The following SPOCK1 variants were observed in gnomAD, a reference collection of about 807,000 sequenced individuals.
SPOCK1 encodes testican-1.
SPOCK1 carries 23 observed loss-of-function variants against 55.3 expected under a neutral mutation model. That is an observed-to-expected ratio of 0.42 (90% CI 0.30 to 0.59). SPOCK1 has a LOEUF of 0.59. SPOCK1 is among the 20% of genes least tolerant of loss of function. SPOCK1 has a pLI of 0.22. For missense variants in SPOCK1, 499 were observed against 552.5 expected (o/e 0.90, Z 0.97); for synonymous variants, 226 against 221.0 (o/e 1.02, Z -0.20).
At chr5:137,431,055 G>A (rs1183042443) in intron 2 of SPOCK1, among the ~76,000 whole-genome samples, 1 of 152,202 alleles carries the variant, frequency 6.6e-6, no homozygotes, top group African/African-American at 2.4e-5. Context: ...GTTTGGGGCT[G>A]TAACAGCCAC....
intron 3 of SPOCK1, among the ~76,000 whole-genome samples, chr5:137,262,838 C>T (rs1208351803): frequency 6.6e-6 from 1 of 152,202 alleles, no homozygotes; most frequent in Non-Finnish European, 1.5e-5. Context: ...GGAAGAAAGA[C>T]ACCAGGAGAG....
At chr5:137,084,407 A>G (rs1262998316) in intron 5 of SPOCK1, among the ~76,000 whole-genome samples, 3 of 151,996 alleles carry the variant, frequency 2.0e-5, no homozygotes, top group Non-Finnish European at 4.4e-5. Flanking sequence ...GGGCCATGGC[A>G]TGGATAACGT....
chr5:137,204,992 T>G (rs1755493930), intron 3 of SPOCK1, among the ~76,000 whole-genome samples: 1 of 152,196 alleles, frequency 6.6e-6, no homozygotes, highest in Non-Finnish European at 1.5e-5. Flanking sequence ...GCTAAAAGAT[T>G]TTCTCCTAAG....
At chr5:137,455,135 C>T (rs760628869) in intron 2 of SPOCK1, among the ~76,000 whole-genome samples, 1 of 152,180 alleles carries the variant, frequency 6.6e-6, no homozygotes, top group Admixed American at 6.5e-5. Flanking sequence ...GAGGCTGTAA[C>T]AAGACTTTGT....
intron 3 of SPOCK1, among the ~76,000 whole-genome samples, chr5:137,248,639 C>G (rs373575180): frequency 7.8e-4 from 119 of 152,306 alleles, no homozygotes; most frequent in African/African-American, 2.6e-3. Context: ...GACCCTGGGC[C>G]TCTCTGAACC....
intron 2 of SPOCK1, among the ~76,000 whole-genome samples, chr5:137,360,142 G>A (rs1160373219): frequency 1.3e-5 from 2 of 152,212 alleles, no homozygotes; most frequent in African/African-American, 4.8e-5. Context: ...GATCCAACAT[G>A]CAATCAGTTT....
chr5:137,270,030 A>G lies in SPOCK1; in HGVS notation c.187-2975T>C, dbSNP rs566111993. The stretch of plus-strand genomic sequence containing the variant: ...TGCTGTCAATAATTCTATCACTTCT[A>G]CCCTGGGAAGTAGTGTGTCTGCCCC... On this transcript the variant is annotated intron_variant, in intron 2 of 10. Transcript: ENST00000394945. Among the ~76,000 whole-genome samples the G allele has an allele frequency of 5.8e-4, 88 of 152,292 alleles. 1 individual carries two copies. Among genetic ancestry groups the G allele is most frequent in the East Asian group, 3.9e-4 (2 of 5,184 alleles).
intron 2 of SPOCK1, among the ~76,000 whole-genome samples, chr5:137,418,486 T>A (rs1273453840): frequency 1.3e-5 from 2 of 152,088 alleles, no homozygotes; most frequent in African/African-American, 2.4e-5. Context: ...GACTTTTTAA[T>A]GATCGCCATT....
intron 2 of SPOCK1, among the ~76,000 whole-genome samples, chr5:137,269,263 A>G (rs1039905456): frequency 6.6e-6 from 1 of 152,034 alleles, no homozygotes; most frequent in Non-Finnish European, 1.5e-5. Context: ...CCTTCAAACA[A>G]CCCCTTGCCC....
At chr5:137,395,136 C>A (rs1751814831) in intron 2 of SPOCK1, among the ~76,000 whole-genome samples, 1 of 152,290 alleles carries the variant, frequency 6.6e-6, no homozygotes, top group African/African-American at 2.4e-5. Flanking sequence ...GACATGGTCC[C>A]AGAACACTGC....
chr5:137,498,594 G>T (rs992324948), intron 1 of SPOCK1, 36 bp from the exon 2 acceptor site: 8 of 1,290,790 alleles, frequency 6.2e-6, no homozygotes, highest in Non-Finnish European at 7.8e-6. Flanking sequence ...TGAGCGAAGA[G>T]GGCGGGCGGC....
chr5:137,122,166 A>G lies in SPOCK1; in HGVS notation c.348-9605T>C, dbSNP rs112833382. Among the ~76,000 whole-genome samples the G allele has an allele frequency of 4.3e-3, 659 of 151,892 alleles. 7 individuals carry two copies. The highest frequency in any genetic ancestry group is 0.015 in the African/African-American group (616 of 41,400). On this transcript the variant is annotated intron_variant, in intron 4 of 10. Transcript: ENST00000394945. ...CACTAAGGGTATCTGTGAGGCAGAC[A>G]CCAGTGGGGTTTTACCTCAAAGTTC...
chr5:137,111,239 G>C (rs529685250), intron 5 of SPOCK1, among the ~76,000 whole-genome samples: 4 of 152,232 alleles, frequency 2.6e-5, no homozygotes, highest in Admixed American at 2.0e-4. Context: ...GTGGGAGCAT[G>C]ACAAGAAGGA....
intron 2 of SPOCK1, among the ~76,000 whole-genome samples, chr5:137,394,139 C>A (rs1751789953): frequency 6.6e-6 from 1 of 152,168 alleles, no homozygotes; most frequent in South Asian, 2.1e-4. Flanking sequence ...TTCATTCTTG[C>A]ATTTTTATTT....
At chr5:137,404,661 A>G (rs4976432) in intron 2 of SPOCK1, among the ~76,000 whole-genome samples, 150,766 of 150,938 alleles carry the variant, frequency 1, 75,298 homozygotes, top group Middle Eastern at 1. Flanking sequence ...CTTGTGATAC[A>G]CCTGCTTCAG....
At chr5:137,140,873 C>T (rs1339619198) in intron 3 of SPOCK1, among the ~76,000 whole-genome samples, 179 bp from the exon 4 acceptor site, 12 of 150,436 alleles carry the variant, frequency 8.0e-5, no homozygotes, top group Admixed American at 7.4e-4. Flanking sequence ...ATTTTCCTGC[C>T]TCAGCCTCCC....
intron 4 of SPOCK1, among the ~76,000 whole-genome samples, chr5:137,117,577 C>T (rs1409716571): frequency 6.6e-6 from 1 of 152,156 alleles, no homozygotes; most frequent in Non-Finnish European, 1.5e-5. Context: ...CATAAGTGAA[C>T]ATATTAATTT....
At chr5:136,987,805 CAGAG>C (rs1441690700) in intron 8 of SPOCK1, among the ~76,000 whole-genome samples, 3 of 152,190 alleles carry the variant, frequency 2.0e-5, no homozygotes, top group African/African-American at 7.2e-5. Flanking sequence ...ACCCCCCAGA[CAGAG>C]GGAGGTAAAG....
At chr5:137,348,567 CTT>C (rs889970452) in intron 2 of SPOCK1, among the ~76,000 whole-genome samples, 16 of 152,092 alleles carry the variant, frequency 1.1e-4, no homozygotes, top group African/African-American at 3.9e-4. Context: ...TTATAGCTGA[CTT>C]TGATGTCTTT....
Sources: gnomAD v4.1 joint callset for allele counts (sites outside exome capture counted in the v4.1 genomes callset) on GRCh38, gnomAD v4.1.1 for gene constraint, MANE v1.5 for transcripts, NCBI Gene and HGNC (gene_info 2026-07-23, HGNC 2026-07-21) for gene names.